Variants in KCNIP4 observed in about 807,000 individuals in gnomAD.
The protein encoded by KCNIP4 is Kv channel-interacting protein 4.
KCNIP4 carries 12 observed loss-of-function variants against 34.0 expected under a neutral mutation model. The ratio of observed to expected loss-of-function variants is 0.35; its 90% confidence interval spans 0.23 to 0.57. KCNIP4 has a LOEUF of 0.57. Ranked by LOEUF, KCNIP4 falls within the 20% of genes least tolerant of loss-of-function variation. The pLI is 0.83. For synonymous variants in KCNIP4, 124 were observed against 102.2 expected (o/e 1.21, Z -1.29); for missense variants, 238 against 311.7 (o/e 0.76, Z 1.78).
At chr4:21,176,109 T>C (rs1754390299) in intron 1 of KCNIP4, among the ~76,000 whole-genome samples, 1 of 152,218 alleles carries the variant, frequency 6.6e-6, no homozygotes. Flanking sequence ...TTAGACAAGG[T>C]AAAGCTAAGA....
rs192103611 is a variant in KCNIP4 at position 21,126,090 on chromosome 4, G to A, written c.62-243381C>T. Among the ~76,000 whole-genome samples, 291 of 152,204 alleles carry A rather than the reference G, an allele frequency of 1.9e-3. 4 individuals carry two copies. Among genetic ancestry groups the A allele is most frequent in the African/African-American group, 6.7e-3 (278 of 41,534 alleles). On this transcript the variant is annotated intron_variant, in intron 1 of 8. Coordinates refer to ENST00000382152, the MANE Select transcript of KCNIP4 (RefSeq NM_025221.6). ...ACCCTGCAATTATCTTAGGCAGACT[G>A]AGCCTGTAATCTTTCCAGTCTGGGT...
chr4:21,795,273 G>A (rs557333180), intron 1 of KCNIP4, among the ~76,000 whole-genome samples: 1 of 152,294 alleles, frequency 6.6e-6, no homozygotes, highest in South Asian at 2.1e-4. Context: ...GAGGAGCGTA[G>A]TCAAAAAGCA....
At chr4:21,235,893 A>G (rs1158870312) in intron 1 of KCNIP4, among the ~76,000 whole-genome samples, 1 of 152,204 alleles carries the variant, frequency 6.6e-6, no homozygotes, top group African/African-American at 2.4e-5. Context: ...TTGCCTAGGT[A>G]CAGTCTTGAG....
chr4:21,796,832 C>T (rs777522742), intron 1 of KCNIP4, among the ~76,000 whole-genome samples: 1 of 152,086 alleles, frequency 6.6e-6, no homozygotes, highest in Non-Finnish European at 1.5e-5. Flanking sequence ...TTACATGTTC[C>T]GGAAAAGCCC....
At chr4:21,081,099 A>G (rs1745965559) in intron 1 of KCNIP4, among the ~76,000 whole-genome samples, 1 of 151,782 alleles carries the variant, frequency 6.6e-6, no homozygotes, top group South Asian at 2.1e-4. Flanking sequence ...TCTGAAGGTT[A>G]TCACTTTAAG....
chr4:21,699,430 A>C (rs1396099418), intron 1 of KCNIP4, among the ~76,000 whole-genome samples: 1 of 152,222 alleles, frequency 6.6e-6, no homozygotes. Context: ...AACATATCCC[A>C]TATGAGTAAG....
intron 1 of KCNIP4, among the ~76,000 whole-genome samples, chr4:21,304,285 A>T (rs1160774985): frequency 6.6e-6 from 1 of 152,018 alleles, no homozygotes; most frequent in Non-Finnish European, 1.5e-5. Flanking sequence ...CCTCATTATC[A>T]CTCTTGCACA....
chr4:21,539,417 G>T (rs1232027456), intron 1 of KCNIP4, among the ~76,000 whole-genome samples: 1 of 152,156 alleles, frequency 6.6e-6, no homozygotes, highest in African/African-American at 2.4e-5. Flanking sequence ...AAGGAAGGGA[G>T]AAAGGGAGGG....
At chr4:21,235,674 G>T (rs757295110) in intron 1 of KCNIP4, among the ~76,000 whole-genome samples, 4 of 152,118 alleles carry the variant, frequency 2.6e-5, no homozygotes, top group Non-Finnish European at 4.4e-5. Context: ...AGCTTATTTG[G>T]TTAGTGACTC....
intron 1 of KCNIP4, among the ~76,000 whole-genome samples, chr4:20,958,473 G>T (rs573196920): frequency 2.6e-4 from 39 of 152,316 alleles, no homozygotes; most frequent in African/African-American, 9.4e-4. Flanking sequence ...GGTAACATAT[G>T]TACAGGCTTT....
intron 1 of KCNIP4, among the ~76,000 whole-genome samples, chr4:21,360,772 TA>T (rs1719136923): frequency 6.6e-6 from 1 of 152,066 alleles, no homozygotes; most frequent in Non-Finnish European, 1.5e-5. Flanking sequence ...TGAAACAGCC[TA>T]AAAATAGACC....
chr4:21,334,577 G>A (rs1007061285), intron 1 of KCNIP4, among the ~76,000 whole-genome samples: 1 of 151,840 alleles, frequency 6.6e-6, no homozygotes, highest in Non-Finnish European at 1.5e-5. Context: ...TGATTTTTAG[G>A]AAATTTACAG....
At chr4:20,897,145 A>G (rs1726632706) in intron 1 of KCNIP4, among the ~76,000 whole-genome samples, 1 of 151,728 alleles carries the variant, frequency 6.6e-6, no homozygotes, top group Non-Finnish European at 1.5e-5. Context: ...TAATTAATTA[A>G]TCACATGTTT....
chr4:21,765,808 C>G, intron 1 of KCNIP4, among the ~76,000 whole-genome samples: 1 of 116,466 alleles, frequency 8.6e-6, no homozygotes, highest in Admixed American at 1.0e-4. Context: ...GAGATCTTAG[C>G]ACCAGGCCGT....
chr4:21,881,413 T>C (rs1159717909), intron 1 of KCNIP4, among the ~76,000 whole-genome samples: 1 of 152,096 alleles, frequency 6.6e-6, no homozygotes, highest in Non-Finnish European at 1.5e-5. Context: ...TAGGATAAAA[T>C]AGTAAATATT....
At chr4:21,373,280 G>T (rs1283667049) in intron 1 of KCNIP4, among the ~76,000 whole-genome samples, 1 of 146,490 alleles carries the variant, frequency 6.8e-6, no homozygotes, top group Non-Finnish European at 1.5e-5. Context: ...TTATCATCAT[G>T]CCACTTCATG....
chr4:20,925,459 A>G (rs992770303), intron 1 of KCNIP4, among the ~76,000 whole-genome samples: 2 of 152,238 alleles, frequency 1.3e-5, no homozygotes, highest in East Asian at 3.8e-4. Flanking sequence ...CCATGACGAC[A>G]TCAGGAAGTT....
chr4:21,137,482 C>A (rs905836425), intron 1 of KCNIP4, among the ~76,000 whole-genome samples: 3 of 152,040 alleles, frequency 2.0e-5, no homozygotes, highest in African/African-American at 7.2e-5. Context: ...GATGCCATAT[C>A]TTTAGTTAAA....
intron 1 of KCNIP4, among the ~76,000 whole-genome samples, chr4:21,437,082 C>T (rs1310083802): frequency 1.3e-5 from 2 of 152,126 alleles, no homozygotes; most frequent in African/African-American, 4.8e-5. Flanking sequence ...TTGCCTCATC[C>T]CCTGGACATA....
Sources: allele counts gnomAD v4.1 joint callset (sites outside exome capture counted in the v4.1 genomes callset), GRCh38; gene constraint gnomAD v4.1.1; transcripts MANE v1.5; gene names NCBI Gene and HGNC (gene_info 2026-07-23, HGNC 2026-07-21).